The following ROBO2 variants were observed in gnomAD, a reference collection of about 807,000 sequenced individuals.
ROBO2 encodes the protein roundabout homolog 2.
A neutral mutation model predicts 160.8 loss-of-function variants in ROBO2; 53 were observed. The observed-to-expected ratio is 0.33, with a 90% CI of 0.26 to 0.41. The LOEUF (loss-of-function observed/expected upper bound fraction) is 0.41. Ranked by LOEUF, ROBO2 falls within the 10% of genes least tolerant of loss-of-function variation. ROBO2 has a pLI of 1.00. For synonymous variants in ROBO2, 664 were observed against 611.7 expected (o/e 1.09, Z -1.26); for missense variants, 1,577 against 1,722.4 (o/e 0.92, Z 1.49).
chr3:76,282,448 A>C (rs1289611311), intron 2 of ROBO2, among the ~76,000 whole-genome samples: 1 of 152,090 alleles, frequency 6.6e-6, no homozygotes, highest in East Asian at 1.9e-4. Flanking sequence ...ATGAAATTTG[A>C]AATCCAATAA....
intron 2 of ROBO2, among the ~76,000 whole-genome samples, chr3:77,286,521 G>T (rs1044351115): frequency 5.3e-5 from 8 of 152,122 alleles, no homozygotes; most frequent in African/African-American, 9.7e-5. Flanking sequence ...CTCCCAAACT[G>T]CTGGGATTAC....
chr3:77,401,549 A>G (rs560581249), intron 2 of ROBO2, among the ~76,000 whole-genome samples: 1 of 152,114 alleles, frequency 6.6e-6, no homozygotes, highest in South Asian at 2.1e-4. Context: ...TTGGGCTGGT[A>G]AAAAGGGTAT....
chr3:76,084,207 CAAAG>C (rs1180888946), intron 2 of ROBO2, among the ~76,000 whole-genome samples: 7 of 151,934 alleles, frequency 4.6e-5, no homozygotes, highest in Non-Finnish European at 8.8e-5. Context: ...ATCTGAGAAA[CAAAG>C]AAGCAAAAAG....
chr3:77,587,902 C>T (rs373500033), intron 16 of ROBO2, among the ~76,000 whole-genome samples: 3 of 152,096 alleles, frequency 2.0e-5, no homozygotes, highest in African/African-American at 7.2e-5. Flanking sequence ...GCTAAATAAG[C>T]CAATAAATCT....
At chr3:76,115,371 T>C (rs1458559443) in intron 2 of ROBO2, among the ~76,000 whole-genome samples, 1 of 152,132 alleles carries the variant, frequency 6.6e-6, no homozygotes, top group African/African-American at 2.4e-5. Context: ...ATTTCTAGCA[T>C]TTTAATTATG....
At chr3:76,882,124 G>A (rs1196778092) in intron 2 of ROBO2, among the ~76,000 whole-genome samples, 2 of 151,358 alleles carry the variant, frequency 1.3e-5, no homozygotes, top group African/African-American at 4.9e-5. Context: ...CTGTGTGTGT[G>A]TCTTTTGGGT....
At chr3:77,635,105 A>G in intron 24 of ROBO2, 62 bp downstream of exon 25, 1 of 1,555,052 alleles carries the variant, frequency 6.4e-7, no homozygotes, top group Non-Finnish European at 8.8e-7. Flanking sequence ...GCAATCATTT[A>G]CTTAGATTAA....
intron 2 of ROBO2, among the ~76,000 whole-genome samples, chr3:77,292,255 G>A (rs1221735789): frequency 6.6e-6 from 1 of 151,118 alleles, no homozygotes; most frequent in African/African-American, 2.4e-5. Flanking sequence ...AAAATTGACG[G>A]CCAAACGGGT....
rs946267701 is a variant in ROBO2 at position 76,317,670 on chromosome 3, G to C, written c.109+380068G>C. ...ACCTTATCTTTCTTACAACTGAAAAGTAAATTCCAAAACCAGGTCTGAAAA... is the reference window on the plus strand; with the variant it reads ...ACCTTATCTTTCTTACAACTGAAAACTAAATTCCAAAACCAGGTCTGAAAA... On this transcript the variant is annotated intron_variant, in intron 2 of 26. Coordinates refer to the ROBO2 transcript ENST00000487694. 3.3e-5 allele frequency among the ~76,000 whole-genome samples: 5 copies of C among 152,138 alleles called. 1 individual carries two copies. The highest frequency in any genetic ancestry group is 2.6e-4 in the Admixed American group (4 of 15,278).
At chr3:76,145,106 G>T (rs2071834671) in intron 2 of ROBO2, among the ~76,000 whole-genome samples, 1 of 116,348 alleles carries the variant, frequency 8.6e-6, no homozygotes, top group African/African-American at 2.7e-5. Context: ...GTAAAGAAGA[G>T]AAAAAAAAAA....
chr3:76,058,819 G>T (rs1222322852), intron 2 of ROBO2, among the ~76,000 whole-genome samples: 2 of 101,656 alleles, frequency 2.0e-5, no homozygotes, highest in Non-Finnish European at 3.7e-5. Context: ...CCCACAACAG[G>T]CCCCAGTGTG....
chr3:77,200,589 G>C (rs1016617965), intron 2 of ROBO2, among the ~76,000 whole-genome samples: 4 of 151,908 alleles, frequency 2.6e-5, no homozygotes, highest in African/African-American at 9.7e-5. Context: ...TAAAGACGAT[G>C]CTCCTAGTCT....
At chr3:76,910,729 AAAAAAAAAAAAAAAAG>A (rs1468893858) in intron 2 of ROBO2, among the ~76,000 whole-genome samples, 3 of 139,290 alleles carry the variant, frequency 2.2e-5, no homozygotes, top group Non-Finnish European at 4.6e-5. Flanking sequence ...CTGTCTCAAA[AAAAAAAAAAAAAAAAG>A]AAAAAAAAAG....
At chr3:76,693,709 G>A (rs946676300) in intron 2 of ROBO2, among the ~76,000 whole-genome samples, 1 of 152,056 alleles carries the variant, frequency 6.6e-6, no homozygotes, top group Admixed American at 6.6e-5. Context: ...GAGAAACATG[G>A]GGCCACTGGT....
chr3:75,969,227 A>G (rs1035874630), intron 2 of ROBO2, among the ~76,000 whole-genome samples: 13 of 150,718 alleles, frequency 8.6e-5, no homozygotes, highest in Admixed American at 4.0e-4. Flanking sequence ...TCTTTATCCA[A>G]TTGTTTTCAT....
At chr3:75,947,266 C>A (rs1379940507) in intron 2 of ROBO2, among the ~76,000 whole-genome samples, 1 of 152,028 alleles carries the variant, frequency 6.6e-6, no homozygotes, top group Non-Finnish European at 1.5e-5. Context: ...ATCAAGTAGG[C>A]ACTGACAAGT....
rs1368520615 is a variant in ROBO2, at chr3:77,293,686, G to A, written c.389-183728G>A. 6.4e-5 allele frequency among the ~76,000 whole-genome samples: 9 copies of A among 139,928 alleles called. No homozygotes were observed. The South Asian group carries it at 1.6e-3, about 25-fold the overall frequency. The allele number at this position is 139,928 out of a possible 152,430, so 91.8% of individuals were successfully genotyped here. ...TAAAGTAAAATTGATGGTTAAATGGGAAGTTGAGGCTAGAACAGTAAAGAC... is the reference window on the plus strand; with the variant it reads ...TAAAGTAAAATTGATGGTTAAATGGAAAGTTGAGGCTAGAACAGTAAAGAC... On this transcript the variant is annotated intron_variant, in intron 2 of 25. Transcript: ENST00000461745.
chr3:76,975,303 G>A (rs1422686917), intron 2 of ROBO2, among the ~76,000 whole-genome samples: 2 of 152,036 alleles, frequency 1.3e-5, no homozygotes, highest in Admixed American at 6.6e-5. Flanking sequence ...TCAGGAGTTC[G>A]AGACCAGCCT....
chr3:76,793,829 A>C (rs1266127924), intron 2 of ROBO2, among the ~76,000 whole-genome samples: 6 of 151,908 alleles, frequency 3.9e-5, no homozygotes, highest in Non-Finnish European at 8.8e-5. Flanking sequence ...TACTCTTACA[A>C]ATTCACAGAA....
Sources: allele counts gnomAD v4.1 joint callset (sites outside exome capture counted in the v4.1 genomes callset), GRCh38; gene constraint gnomAD v4.1.1; transcripts MANE v1.5; gene names NCBI Gene and HGNC (gene_info 2026-07-23, HGNC 2026-07-21).